PARS2: variants seen among roughly 807,000 people sequenced by gnomAD.
The protein encoded by PARS2 is prolyl-tRNA synthetase 2, mitochondrial, also known as probable proline--tRNA ligase, mitochondrial.
A neutral mutation model predicts 27.4 loss-of-function variants in PARS2; 20 were observed. The observed-to-expected ratio is 0.73, with a 90% CI of 0.51 to 1.06. PARS2 has a LOEUF of 1.06. PARS2 is among the 50% of genes least tolerant of loss of function. PARS2 has a pLI of 0.00. For missense variants in PARS2, 585 were observed against 602.1 expected (o/e 0.97, Z 0.30); for synonymous variants, 240 against 247.1 (o/e 0.97, Z 0.27).
At position 54,758,624 on chromosome 1, in the gene PARS2, G is replaced by A. The variant is rs775325245; in HGVS notation, c.538C>T (p.Leu180=). The change falls in exon 2 of 2, where the codon CTG becomes TTG. Residue 180 remains leucine (L), a synonymous_variant. Transcript: ENST00000371279. ...KKLSYKQLPF[L]LYQVTRKFRD... ...AACTTCCTTGTCACTTGGTACAGCA[G>A]GAAGGGAAGCTGCTTGTAGGACAGT... is the stretch of plus-strand genomic sequence containing the variant. 6.2e-7 allele frequency: 1 copy of A among 1,614,242 alleles called. No homozygotes were observed. Among genetic ancestry groups the A allele is most frequent in the South Asian group, 1.1e-5 (1 of 91,082 alleles).
intron 1 of PARS2, among the ~76,000 whole-genome samples, chr1:54,761,187 G>A (rs1305094156): frequency 2.0e-5 from 3 of 152,058 alleles, no homozygotes; most frequent in Non-Finnish European, 2.9e-5. Flanking sequence ...CCTCTCCCCA[G>A]GAAGCCTTTC....
At chr1:54,762,914 A>G (rs1646165209) in intron 1 of PARS2, among the ~76,000 whole-genome samples, 1 of 152,178 alleles carries the variant, frequency 6.6e-6, no homozygotes. Flanking sequence ...GAACCCTGTC[A>G]GTCCAGTCTC....
At position 54,757,870 on chromosome 1, in the gene PARS2, G is replaced by A. The variant is rs1463691118; in HGVS notation, c.1292C>T (p.Pro431Leu). 1.2e-6 allele frequency: 2 copies of A among 1,614,182 alleles called. No individual in the cohort carries two copies. Among genetic ancestry groups the A allele is most frequent in the Middle Eastern group, 1.6e-4 (1 of 6,062 alleles). Reference protein sequence around the residue: ...RLKDANKFGYPFVIIAGKRAL... With the variant: ...RLKDANKFGYLFVIIAGKRAL... Reference sequence around the variant, plus strand: ...CCTCTTGCCAGCGATTATCACAAAGGGGTAGCCAAACTTGTTGGCATCTTT... The same window carrying A: ...CCTCTTGCCAGCGATTATCACAAAGAGGTAGCCAAACTTGTTGGCATCTTT... The change falls in exon 2 of 2, where the codon CCC (proline) becomes CTC (leucine). Residue 431 changes from proline to leucine, a missense_variant. Physicochemically the swap from Pro to Leu is moderately conservative, Grantham distance 98 (BLOSUM62 -3). Transcript: ENST00000371279.
chr1:54,761,238 G>A lies in PARS2; in HGVS notation c.-29-2048C>T, dbSNP rs116245862. On this transcript the variant is annotated intron_variant, in intron 1 of 1. Transcript: ENST00000371279. ...TACCCCCAAAGGGCTGGCTTTTCCC[G>A]CATAGCCCACTTGTCTCCTAGGGTT... 2.3e-3 allele frequency among the ~76,000 whole-genome samples: 347 copies of A among 152,122 alleles called. 3 individuals carry two copies. Among genetic ancestry groups the A allele is most frequent in the African/African-American group, 7.9e-3 (326 of 41,496 alleles).
chr1:54,758,520 G>A lies in PARS2; in HGVS notation c.642C>T (p.Ser214=), dbSNP rs768061369. The change falls in exon 2 of 2, where the codon TCC becomes TCT. Residue 214 remains serine (S), a synonymous_variant. Transcript: ENST00000371279. ...FYMKDMYTFD[S]SPEAAQQTYS... is the part of the protein sequence containing the mutation. ...AGGTCTGCTGGGCAGCCTCTGGGGA[G>A]GAGTCAAAGGTGTACATATCCTTCA... The A allele has an allele frequency of 1.1e-5, 18 of 1,614,060 alleles. No homozygotes were observed. The highest frequency in any genetic ancestry group is 1.5e-5 in the Non-Finnish European group (18 of 1,180,050).
Position 54,757,961 on chromosome 1 carries a change from C to G in PARS2, c.1201G>C (p.Val401Leu), listed in dbSNP as rs764590552. 4.3e-6 allele frequency: 7 copies of G among 1,614,084 alleles called. No homozygotes were observed. Among genetic ancestry groups the G allele is most frequent in the Middle Eastern group, 3.3e-4 (2 of 6,084 alleles). The change falls in exon 2 of 2, where the codon GTG becomes CTG. Residue 401 changes from valine (V) to leucine (L), a missense_variant. By Grantham distance (32) the Val-to-Leu change is conservative. Transcript: ENST00000371279. Reference sequence around the variant, plus strand: ...AGCACCTCCCCGTGAAGCTGAGGCACTGCCTCTGTGATGTGGTCGTACAGC... The same window carrying G: ...AGCACCTCCCCGTGAAGCTGAGGCAGTGCCTCTGTGATGTGGTCGTACAGC... ...GQLYDHITEA[V>L]PQLHGEVLLD... is the part of the protein sequence containing the mutation.
chr1:54,764,447 C>T lies in PARS2; in HGVS notation c.-30+14G>A, dbSNP rs1356406367. On this transcript the variant is annotated intron_variant, in intron 1 of 1. Transcript: ENST00000371279. ...CCCGTCCCTCAGGTCTGGGAGTCAC[C>T]CACGTTCACCTACCGCAATCCCAGC... The T allele has an allele frequency of 6.6e-6, 1 of 152,310 alleles. No individual in the cohort carries two copies. The highest frequency in any genetic ancestry group is 1.5e-5 in the Non-Finnish European group (1 of 68,098). 9.4% of individuals were successfully genotyped at this position (152,310 alleles called of 1,614,324 possible). A position where few individuals can be genotyped will look rare whatever the true frequency, so the allele number is the denominator to read the frequency against.
In PARS2 at chr1:54,762,503, G is replaced by C. The variant is rs1293185684; in HGVS notation, c.-30+1958C>G. On this transcript the variant is annotated intron_variant, in intron 1 of 1. Transcript: ENST00000371279. ...GAGCTTCTCATTTAGTAAGTTTGGG[G>C]TGTGGGCAGAGAACCTGTATTTCTA... Among the ~76,000 whole-genome samples the C allele has an allele frequency of 3.3e-5, 5 of 152,196 alleles. No homozygotes were observed. In the South Asian group the frequency reaches 1.0e-3, roughly 31 times the overall value.
intron 1 of PARS2, among the ~76,000 whole-genome samples, chr1:54,762,641 G>A (rs1047818612): frequency 5.3e-5 from 8 of 152,236 alleles, no homozygotes; most frequent in Admixed American, 1.3e-4. Context: ...CCATGAAGAC[G>A]ACAGCTATGT....
Position 54,758,395 on chromosome 1 carries a change from G to A in PARS2, c.767C>T (p.Ser256Phe). 1 of 1,614,238 alleles carries A rather than the reference G, an allele frequency of 6.2e-7. No homozygotes were observed. The highest frequency in any genetic ancestry group is 8.5e-7 in the Non-Finnish European group (1 of 1,180,044). The change falls in exon 2 of 2, where the codon TCT becomes TTT. Residue 256 changes from serine to phenylalanine, a missense_variant. Coordinates refer to ENST00000371279, the MANE Select transcript of PARS2 (RefSeq NM_152268.4). ...ADVGTIGGTV[S>F]HEFQLPVDIG... ...ATCCACTGGGAGCTGGAACTCATGAGACACTGTGCCCCCGATGGTGCCCAC... is the reference window on the plus strand; with the variant it reads ...ATCCACTGGGAGCTGGAACTCATGAAACACTGTGCCCCCGATGGTGCCCAC...
rs779915944 is a variant in PARS2, at chr1:54,758,688, G to C, written c.474C>G (p.His158Gln). 1.9e-6 allele frequency: 3 copies of C among 1,614,084 alleles called. No individual in the cohort carries two copies. Among genetic ancestry groups the C allele is most frequent in the Non-Finnish European group, 2.5e-6 (3 of 1,180,010 alleles). Residue 158 changes from histidine (H) to glutamine (Q), a missense_variant, in exon 2 of 2, where the codon CAC (histidine) becomes CAG (glutamine). Physicochemically the swap from His to Gln is conservative, Grantham distance 24. Transcript: ENST00000371279. ...CAATTAAGGCCGTAATGGCTTCCTC[G>C]TGAGTTGGTCCTAAGCAGTATTCCT... ...HGKEYCLGPT[H>Q]EEAITALIAS...
intron 1 of PARS2, among the ~76,000 whole-genome samples, chr1:54,761,440 C>T (rs564550276): frequency 3.9e-5 from 6 of 152,272 alleles, no homozygotes; most frequent in East Asian, 1.9e-4. Flanking sequence ...AATGGCAGTA[C>T]GACATTCCAC....
rs777545786 is a variant in PARS2, at chr1:54,757,748, C to T, written c.1414G>A (p.Val472Met). 1.9e-6 allele frequency: 3 copies of T among 1,609,204 alleles called. No individual in the cohort carries two copies. In the South Asian group the frequency reaches 3.3e-5, roughly 18 times the overall value. The change falls in exon 2 of 2, where the codon GTG becomes ATG. Residue 472 changes from valine to methionine, a missense_variant. Coordinates refer to ENST00000371279, the MANE Select transcript of PARS2 (RefSeq NM_152268.4). ...KDGVMDLLTP[V>M]QTV The stretch of plus-strand genomic sequence containing the variant: ...GCTGGGGGCATTTAGACAGTCTGCA[C>T]TGGGGTCAGTAAATCCATGACTCCA...
intron 1 of PARS2, among the ~76,000 whole-genome samples, chr1:54,759,567 TAAC>T (rs1251238276): frequency 6.6e-6 from 1 of 152,124 alleles, no homozygotes; most frequent in Non-Finnish European, 1.5e-5. Context: ...AAAATGGTAA[TAAC>T]AACAGAACCT....
intron 1 of PARS2, among the ~76,000 whole-genome samples, chr1:54,761,541 C>T (rs1646157426): frequency 6.6e-6 from 1 of 152,158 alleles, no homozygotes; most frequent in Non-Finnish European, 1.5e-5. Context: ...TTGGGAGAGG[C>T]GTTGAAGAAT....
chr1:54,760,940 G>A (rs1337887038), intron 1 of PARS2, among the ~76,000 whole-genome samples: 14 of 152,074 alleles, frequency 9.2e-5, no homozygotes, highest in African/African-American at 1.7e-4. Flanking sequence ...CACCATGCCC[G>A]CTAATTTTTT....
chr1:54,762,468 C>A (rs1269510173), intron 1 of PARS2, among the ~76,000 whole-genome samples: 1 of 152,266 alleles, frequency 6.6e-6, no homozygotes, highest in African/African-American at 2.4e-5. Context: ...ATTGCAGAGG[C>A]CCATCTCCAG....
intron 1 of PARS2, among the ~76,000 whole-genome samples, chr1:54,759,413 C>T (rs947200085): frequency 6.6e-6 from 1 of 152,192 alleles, no homozygotes; most frequent in Non-Finnish European, 1.5e-5. Flanking sequence ...ACATTAACAA[C>T]ATCCTGTGGA....
chr1:54,758,276 G>C lies in PARS2; in HGVS notation c.886C>G (p.Gln296Glu). The stretch of plus-strand genomic sequence containing the variant: ...CCTTTGGTTTTAGTCAATGGGCCCT[G>C]GCAAGCAGGGCAGTTCATTTGTGAC... ...DLSQMNCPACQGPLTKTKGIE... is the reference protein window; with the variant it reads ...DLSQMNCPACEGPLTKTKGIE... The change falls in exon 2 of 2, where the codon CAG (glutamine) becomes GAG (glutamate). Residue 296 changes from glutamine to glutamate, a missense_variant. Coordinates refer to ENST00000371279, the MANE Select transcript of PARS2 (RefSeq NM_152268.4). 6.2e-7 allele frequency: 1 copy of C among 1,614,216 alleles called. No homozygotes were observed. The highest frequency in any genetic ancestry group is 8.5e-7 in the Non-Finnish European group (1 of 1,180,050).
Sources: allele counts gnomAD v4.1 joint callset (sites outside exome capture counted in the v4.1 genomes callset), GRCh38; gene constraint gnomAD v4.1.1; transcripts MANE v1.5; gene names NCBI Gene and HGNC (gene_info 2026-07-23, HGNC 2026-07-21).